Variants in DHRSX observed in about 807,000 individuals in gnomAD.
DHRSX encodes polyprenol dehydrogenase.
A neutral mutation model predicts 34.0 loss-of-function variants in DHRSX; 31 were observed. That is an observed-to-expected ratio of 0.91 (90% CI 0.69 to 1.23). The LOEUF (loss-of-function observed/expected upper bound fraction) is 1.23, where lower values mean the gene tolerates loss of function less well. Ranked by LOEUF, DHRSX falls within the 50% of genes most tolerant of loss-of-function variation. DHRSX has a pLI of 0.00. For missense variants in DHRSX, 414 were observed against 428.1 expected (o/e 0.97, Z 0.29); for synonymous variants, 201 against 183.8 (o/e 1.09, Z -0.76).
At chrX:2,320,627 C>G (rs1200168587) in intron 3 of DHRSX, among the ~76,000 whole-genome samples, 1 of 145,870 alleles carries the variant, frequency 6.9e-6, no homozygotes, top group Non-Finnish European at 1.5e-5. Flanking sequence ...ATTTGTTTGA[C>G]TTTAAACCCA....
At chrX:2,420,238 CT>C (rs1333557640) in intron 2 of DHRSX, among the ~76,000 whole-genome samples, 2 of 151,516 alleles carry the variant, frequency 1.3e-5, no homozygotes, top group African/African-American at 4.8e-5. Context: ...GAAACCCCCC[CT>C]CTACTAAAAA....
At chrX:2,466,208 G>A (rs781639909) in intron 1 of DHRSX, among the ~76,000 whole-genome samples, 68 of 152,320 alleles carry the variant, frequency 4.5e-4, no homozygotes, top group African/African-American at 1.6e-3. Context: ...GGAGGCCGAG[G>A]CAGGCAGATT....
chrX:2,426,748 TCCTTC>T (rs1264567950), intron 1 of DHRSX, among the ~76,000 whole-genome samples: 12 of 148,006 alleles, frequency 8.1e-5, no homozygotes, highest in East Asian at 4.1e-4. Context: ...TTTCCTTCCT[TCCTTC>T]CCTTCCCTTC....
At chrX:2,435,066 G>A (rs2043976082) in intron 1 of DHRSX, among the ~76,000 whole-genome samples, 1 of 136,160 alleles carries the variant, frequency 7.3e-6, no homozygotes, top group Admixed American at 7.2e-5. Flanking sequence ...GGACAGGAGA[G>A]GAGGTTGAGG....
At chrX:2,265,556 G>C (rs1406489858) in intron 5 of DHRSX, among the ~76,000 whole-genome samples, 1 of 136,154 alleles carries the variant, frequency 7.3e-6, no homozygotes, top group African/African-American at 2.8e-5. Flanking sequence ...CAGAGCACCA[G>C]TGCTCAGCAG....
At chrX:2,331,306 T>G (rs2042469040) in intron 3 of DHRSX, among the ~76,000 whole-genome samples, 1 of 152,058 alleles carries the variant, frequency 6.6e-6, no homozygotes, top group Non-Finnish European at 1.5e-5. Context: ...ACCCCCTCAA[T>G]GTCATTCATG....
At chrX:2,240,502 G>GA (rs1261419837) in intron 6 of DHRSX, among the ~76,000 whole-genome samples, 1 of 151,686 alleles carries the variant, frequency 6.6e-6, no homozygotes, top group Non-Finnish European at 1.5e-5. Flanking sequence ...GGAGAAAAGA[G>GA]AATTTGTAAC....
intron 3 of DHRSX, among the ~76,000 whole-genome samples, chrX:2,363,784 G>A (rs192195634): frequency 0.01 from 1,563 of 150,666 alleles, 27 homozygotes; most frequent in African/African-American, 0.037. Flanking sequence ...TTTTATCACC[G>A]TTCTATGGTA....
intron 1 of DHRSX, chrX:2,489,141 G>A (rs2045045816): frequency 1.2e-6 from 2 of 1,613,486 alleles, no homozygotes; most frequent in East Asian, 2.2e-5. Flanking sequence ...TTGACGGGAG[G>A]CTCCTCGGGC....
chrX:2,233,428 T>C (rs946417579), intron 6 of DHRSX, among the ~76,000 whole-genome samples: 5 of 151,908 alleles, frequency 3.3e-5, no homozygotes, highest in East Asian at 1.9e-4. Flanking sequence ...AGAAGATGTA[T>C]AAATGTGAAC....
At chrX:2,331,685 G>T (rs1482198357) in intron 3 of DHRSX, among the ~76,000 whole-genome samples, 1 of 151,766 alleles carries the variant, frequency 6.6e-6, no homozygotes, top group Non-Finnish European at 1.5e-5. Context: ...CCTGACCTCA[G>T]GTGATCCACC....
intron 3 of DHRSX, among the ~76,000 whole-genome samples, chrX:2,304,339 TGATGGATGGATG>T (rs778314078): frequency 2.5e-5 from 3 of 117,960 alleles, no homozygotes; most frequent in African/African-American, 1.0e-4. Flanking sequence ...ATGGATGAAC[TGATGGATGGATG>T]GATGGATGGA....
intron 2 of DHRSX, among the ~76,000 whole-genome samples, chrX:2,418,575 T>A (rs1190497733): frequency 6.6e-6 from 1 of 152,164 alleles, no homozygotes; most frequent in Non-Finnish European, 1.5e-5. Flanking sequence ...ATGAAAAAGA[T>A]CATTGCACTG....
At chrX:2,265,920 T>C (rs775893820) in intron 5 of DHRSX, among the ~76,000 whole-genome samples, 3 of 80,266 alleles carry the variant, frequency 3.7e-5, no homozygotes, top group African/African-American at 1.0e-4. Context: ...GCACCAGTGC[T>C]CGGCAGATGC....
At chrX:2,288,128 A>C (rs1372154658) in intron 4 of DHRSX, among the ~76,000 whole-genome samples, 2 of 21,286 alleles carry the variant, frequency 9.4e-5, no homozygotes, top group Non-Finnish European at 3.6e-4. Context: ...GAAGGAGATA[A>C]AAAAAAAGAG....
At chrX:2,234,421 T>G (rs2015967149) in intron 6 of DHRSX, among the ~76,000 whole-genome samples, 1 of 151,950 alleles carries the variant, frequency 6.6e-6, no homozygotes, top group African/African-American at 2.4e-5. Flanking sequence ...CCCAGATCCA[T>G]GCACACAGCT....
At chrX:2,482,119 C>A (rs1321265926) in intron 1 of DHRSX, among the ~76,000 whole-genome samples, 1 of 143,138 alleles carries the variant, frequency 7.0e-6, no homozygotes, top group East Asian at 2.0e-4. Context: ...ACGTGTGCCA[C>A]CACGTCTGGC....
intron 6 of DHRSX, among the ~76,000 whole-genome samples, chrX:2,237,600 G>C (rs2016045566): frequency 6.6e-6 from 1 of 151,942 alleles, no homozygotes; most frequent in South Asian, 2.1e-4. Flanking sequence ...CCGCCCCCGG[G>C]TTCAAGCGAT....
In DHRSX at chrX:2,360,904, G is replaced by A. The variant is rs1349464209; in HGVS notation, c.286+47841C>T. Among the ~76,000 whole-genome samples the A allele has an allele frequency of 6.6e-5, 10 of 152,080 alleles. No individual in the cohort carries two copies. The South Asian group carries it at 1.5e-3, about 22-fold the overall frequency. ...TAAACACCAAATACATATCCGGAGC[G>A]AGAAATGGCATGATGCTTTCAGAGG... is the stretch of plus-strand genomic sequence containing the variant. On this transcript the variant is annotated intron_variant, in intron 3 of 6. Transcript: ENST00000334651.
Sources: allele counts gnomAD v4.1 joint callset (sites outside exome capture counted in the v4.1 genomes callset), GRCh38; gene constraint gnomAD v4.1.1; transcripts MANE v1.5; gene names NCBI Gene and HGNC (gene_info 2026-07-23, HGNC 2026-07-21).